Variants in FRMD3 observed in about 807,000 individuals in gnomAD.
FRMD3 encodes the protein FERM domain containing 3.
Under a neutral mutation model 70.2 loss-of-function variants are expected in FRMD3, and 33 were observed. That is an observed-to-expected ratio of 0.47 (90% CI 0.36 to 0.63). The LOEUF is 0.63. Ranked by LOEUF, FRMD3 falls within the 20% of genes least tolerant of loss-of-function variation. The pLI, the probability that FRMD3 is intolerant of heterozygous loss-of-function variation, is 0.00. For missense variants in FRMD3, 632 were observed against 711.4 expected (o/e 0.89, Z 1.27); for synonymous variants, 279 against 255.9 (o/e 1.09, Z -0.86).
chr9:83,312,021 AAAAAT>A lies in FRMD3; in HGVS notation c.685-51_685-47del, dbSNP rs1208786890. The A allele has an allele frequency of 4.3e-6, 6 of 1,398,578 alleles. No individual in the cohort carries two copies. In the African/African-American group the frequency reaches 5.9e-5, roughly 14 times the overall value. The allele number at this position is 1,398,578 out of a possible 1,614,324, so 86.6% of individuals were successfully genotyped here. On this transcript the variant is annotated intron_variant, in intron 7 of 13. Coordinates refer to ENST00000304195, the MANE Select transcript of FRMD3 (RefSeq NM_174938.6). ...AAAAGAAAAATCTGTTTAGATTGAG[AAAAAT>A]AAAATAAATGATAACCAATATATTT...
At chr9:83,394,615 G>A (rs1825761779) in intron 1 of FRMD3, among the ~76,000 whole-genome samples, 1 of 152,166 alleles carries the variant, frequency 6.6e-6, no homozygotes, top group Non-Finnish European at 1.5e-5. Flanking sequence ...GATGCCCACA[G>A]TACCTTCTCT....
At chr9:83,552,949 C>G in the FRMD3 span, among the ~76,000 whole-genome samples, 1 of 151,922 alleles carries the variant, frequency 6.6e-6, no homozygotes, top group African/African-American at 2.4e-5. Flanking sequence ...GCTTGTCACT[C>G]TAGTTTTTAA....
intron 3 of FRMD3, among the ~76,000 whole-genome samples, chr9:83,357,237 TA>T (rs59676576): frequency 0.34 from 3,727 of 10,862 alleles, 672 homozygotes; most frequent in East Asian, 0.62. Context: ...TATATATATA[TA>T]ATACATACAT....
intron 13 of FRMD3, among the ~76,000 whole-genome samples, chr9:83,264,111 G>A (rs982884078): frequency 2.5e-4 from 38 of 152,182 alleles, no homozygotes; most frequent in African/African-American, 9.2e-4. Context: ...AAATCAGTGA[G>A]CACATCCAGA....
chr9:83,297,958 G>A, intron 12 of FRMD3: 3 of 411,006 alleles, frequency 7.3e-6, no homozygotes, highest in South Asian at 3.5e-5. Flanking sequence ...GGGACAGGGT[G>A]GAGAGGCACC....
chr9:83,579,550 C>A, the FRMD3 span, among the ~76,000 whole-genome samples: 1 of 152,082 alleles, frequency 6.6e-6, no homozygotes, highest in East Asian at 1.9e-4. Context: ...ACCTCTTCAA[C>A]AAATGGTGCT....
the FRMD3 span, among the ~76,000 whole-genome samples, chr9:83,571,911 G>T: frequency 6.6e-6 from 1 of 152,230 alleles, no homozygotes; most frequent in African/African-American, 2.4e-5. Flanking sequence ...CCAACATTCA[G>T]TATAGATCAC....
At chr9:83,573,190 T>C in the FRMD3 span, among the ~76,000 whole-genome samples, 1 of 152,102 alleles carries the variant, frequency 6.6e-6, no homozygotes, top group African/African-American at 2.4e-5. Flanking sequence ...TTAATGCCCA[T>C]CATTGTTCTA....
chr9:83,402,898 CT>C (rs559570925), intron 1 of FRMD3, among the ~76,000 whole-genome samples: 5,728 of 87,140 alleles, frequency 0.066, 42 homozygotes, highest in East Asian at 0.12. Flanking sequence ...TTCTTTCTTT[CT>C]TTTTTTTTTT....
At chr9:83,413,278 C>G (rs1466162396) in intron 1 of FRMD3, among the ~76,000 whole-genome samples, 1 of 152,168 alleles carries the variant, frequency 6.6e-6, no homozygotes, top group African/African-American at 2.4e-5. Flanking sequence ...TTCTCTCAAA[C>G]TTTATGGTGT....
intron 1 of FRMD3, among the ~76,000 whole-genome samples, chr9:83,477,600 C>T (rs537993232): frequency 2.0e-5 from 3 of 152,210 alleles, no homozygotes; most frequent in South Asian, 2.1e-4. Flanking sequence ...TCACCAAGGC[C>T]GTCCCAAATC....
At chr9:83,392,928 T>A (rs1825706819) in intron 1 of FRMD3, among the ~76,000 whole-genome samples, 1 of 152,146 alleles carries the variant, frequency 6.6e-6, no homozygotes, top group East Asian at 1.9e-4. Flanking sequence ...GAAAAAAAAA[T>A]CAAGCAGCTA....
At chr9:83,557,389 G>A in the FRMD3 span, among the ~76,000 whole-genome samples, 2 of 152,032 alleles carry the variant, frequency 1.3e-5, no homozygotes, top group African/African-American at 4.8e-5. Context: ...ACAAAGTTAT[G>A]AAAAAAAATT....
chr9:83,477,391 T>G (rs151261146), intron 1 of FRMD3, among the ~76,000 whole-genome samples: 355 of 152,222 alleles, frequency 2.3e-3, no homozygotes, highest in Non-Finnish European at 4.2e-3. Context: ...AATCAGAGGT[T>G]CTCACTTTGG....
rs139215686 is a variant in FRMD3, at chr9:83,480,852, G to A, written c.147+57233C>T. On this transcript the variant is annotated intron_variant, in intron 1 of 13. Coordinates refer to ENST00000304195, the MANE Select transcript of FRMD3 (RefSeq NM_174938.6). ...CAGATACAACCTATTTTATATAAGGGACTTGAGCATCCTCGGATTTTGTAT... is the reference window on the plus strand; with the variant it reads ...CAGATACAACCTATTTTATATAAGGAACTTGAGCATCCTCGGATTTTGTAT... Among the ~76,000 whole-genome samples the A allele has an allele frequency of 3.7e-3, 568 of 152,300 alleles. 1 individual carries two copies. The highest frequency in any genetic ancestry group is 8.4e-3 in the Admixed American group (128 of 15,292).
chr9:83,452,684 G>A (rs111609568), intron 1 of FRMD3, among the ~76,000 whole-genome samples: 8 of 151,694 alleles, frequency 5.3e-5, no homozygotes, highest in East Asian at 1.9e-4. Context: ...GGGTTTCACC[G>A]TGTTAGCCAG....
At position 83,245,535 on chromosome 9, in the gene FRMD3, G is replaced by A. The variant is rs1444072864; in HGVS notation, c.*2383C>T. The A allele has an allele frequency of 5.2e-6, 5 of 957,582 alleles. No homozygotes were observed. The African/African-American group carries it at 8.8e-5, about 17-fold the overall frequency. 59.3% of individuals were successfully genotyped at this position (957,582 alleles called of 1,614,324 possible). A position where few individuals can be genotyped will look rare whatever the true frequency, so the allele number is the denominator to read the frequency against. On this transcript the variant is annotated 3_prime_UTR_variant, in exon 14 of 14. Coordinates refer to ENST00000304195, the MANE Select transcript of FRMD3 (RefSeq NM_174938.6). ...GAGAAAAGAGATGTTAGCTGGAAATGTTAAAATAATATATTTATTACTCCT... is the reference window on the plus strand; with the variant it reads ...GAGAAAAGAGATGTTAGCTGGAAATATTAAAATAATATATTTATTACTCCT...
At chr9:83,344,824 AGTGTGTGTGTGTGTGT>A (rs35538787) in intron 4 of FRMD3, among the ~76,000 whole-genome samples, 1 of 143,972 alleles carries the variant, frequency 6.9e-6, no homozygotes, top group Non-Finnish European at 1.5e-5. Context: ...TGCATGTGTG[AGTGTGTGTGTGTGTGT>A]GTGTGTGTGT....
chr9:83,443,996 T>A (rs1827382974), intron 1 of FRMD3, among the ~76,000 whole-genome samples: 1 of 152,254 alleles, frequency 6.6e-6, no homozygotes, highest in African/African-American at 2.4e-5. Context: ...GGTCATTCAG[T>A]CACTACAATT....
Sources: allele counts gnomAD v4.1 joint callset (sites outside exome capture counted in the v4.1 genomes callset), GRCh38; gene constraint gnomAD v4.1.1; transcripts MANE v1.5; gene names NCBI Gene and HGNC (gene_info 2026-07-23, HGNC 2026-07-21).